The following JPH3 variants were observed in gnomAD, a reference collection of about 807,000 sequenced individuals.
JPH3 encodes the protein junctophilin 3, also known as junctophilin-3.
JPH3 carries 11 observed loss-of-function variants against 59.6 expected under a neutral mutation model. That is an observed-to-expected ratio of 0.18 (90% CI 0.12 to 0.31). The LOEUF (loss-of-function observed/expected upper bound fraction) is 0.31, where lower values mean the gene tolerates loss of function less well. JPH3 is among the 10% of genes least tolerant of loss of function. The pLI is 1.00. For missense variants in JPH3, 1,202 were observed against 1,105.7 expected (o/e 1.09, Z -1.24); for synonymous variants, 673 against 483.6 (o/e 1.39, Z -5.14).
intron 2 of JPH3, among the ~76,000 whole-genome samples, chr16:87,680,758 G>A (rs1454270930): frequency 1.3e-5 from 2 of 152,246 alleles, no homozygotes; most frequent in African/African-American, 4.8e-5. Flanking sequence ...AACCGCTGCA[G>A]TGCGTTTGGG....
chr16:87,662,317 C>G (rs537093642), intron 2 of JPH3, among the ~76,000 whole-genome samples: 1 of 152,172 alleles, frequency 6.6e-6, no homozygotes, highest in Non-Finnish European at 1.5e-5. Flanking sequence ...GGTCAGTGGG[C>G]GCCGAATGAA....
At chr16:87,683,611 T>C (rs1423616129) in intron 2 of JPH3, among the ~76,000 whole-genome samples, 6 of 138,146 alleles carry the variant, frequency 4.3e-5, no homozygotes, top group Admixed American at 7.1e-5. Context: ...GCCCCTCCCC[T>C]TTTTTTTTTC....
intron 2 of JPH3, among the ~76,000 whole-genome samples, chr16:87,662,806 T>C (rs1247975837): frequency 2.0e-5 from 3 of 152,250 alleles, no homozygotes; most frequent in Non-Finnish European, 4.4e-5. Context: ...TCTGTCTCCC[T>C]GTGAAATCCA....
rs2032856519 is a variant in JPH3 at position 87,666,219 on chromosome 16, T to C, written c.1161-17923T>C. On this transcript the variant is annotated intron_variant, in intron 2 of 4. Transcript: ENST00000284262. ...TTCTCCTGCCTCAGGCTCCCAAGTATCTGGGATTACAGGCACCTGCCACCA... is the reference window on the plus strand; with the variant it reads ...TTCTCCTGCCTCAGGCTCCCAAGTACCTGGGATTACAGGCACCTGCCACCA... 4.6e-5 allele frequency among the ~76,000 whole-genome samples: 7 copies of C among 151,498 alleles called. No individual in the cohort carries two copies. In the South Asian group the frequency reaches 1.2e-3, roughly 27 times the overall value.
chr16:87,659,115 T>A (rs1209051315), intron 2 of JPH3, among the ~76,000 whole-genome samples: 2 of 152,264 alleles, frequency 1.3e-5, no homozygotes, highest in Admixed American at 1.3e-4. Flanking sequence ...GGCTCATGCT[T>A]GTAATCTCAG....
At chr16:87,627,342 C>T (rs1358098711) in intron 1 of JPH3, among the ~76,000 whole-genome samples, 1 of 152,186 alleles carries the variant, frequency 6.6e-6, no homozygotes, top group East Asian at 1.9e-4. Flanking sequence ...TTGAGGGGGT[C>T]TTGGCGCTAT....
At chr16:87,619,703 C>G (rs1401471433) in intron 1 of JPH3, among the ~76,000 whole-genome samples, 1 of 152,182 alleles carries the variant, frequency 6.6e-6, no homozygotes, top group Non-Finnish European at 1.5e-5. Flanking sequence ...TTGGGCCACA[C>G]AAGTATCTAC....
Position 87,689,754 on chromosome 16 carries a change from C to T in JPH3, c.1394C>T (p.Thr465Ile). 6.2e-7 allele frequency: 1 copy of T among 1,612,226 alleles called. No individual in the cohort carries two copies. Among genetic ancestry groups the T allele is most frequent in the Non-Finnish European group, 8.5e-7 (1 of 1,179,712 alleles). The change falls in exon 4 of 5, where the codon ACC (threonine) becomes ATC (isoleucine). Residue 465 changes from threonine (T) to isoleucine (I), a missense_variant. Physicochemically the swap from Thr to Ile is moderately conservative, Grantham distance 89. Transcript: ENST00000284262. Reference sequence around the variant, plus strand: ...AGCCCCGAGCTGTACCGCAAGGGCACCACTCCCTCCGACCTGACCCCCGAC... The same window carrying T: ...AGCCCCGAGCTGTACCGCAAGGGCATCACTCCCTCCGACCTGACCCCCGAC... ...QESPELYRKG[T>I]TPSDLTPDDS...
At position 87,644,924 on chromosome 16, in the gene JPH3, A is replaced by G. The variant is rs1332818006; in HGVS notation, c.1049A>G (p.Asn350Ser). The G allele has an allele frequency of 2.5e-6, 4 of 1,612,292 alleles. No homozygotes were observed. Among genetic ancestry groups the G allele is most frequent in the African/African-American group, 2.7e-5 (2 of 74,822 alleles). ...QNILVGGKRK[N>S]LIPLRASKIR... ...ATCCTCGTCGGCGGCAAGCGCAAGA[A>G]CCTCATCCCCCTGCGGGCCAGCAAG... Residue 350 changes from asparagine (N) to serine (S), a missense_variant, in exon 2 of 5, where the codon AAC becomes AGC. Asn to Ser is a conservative substitution (Grantham distance 46). Coordinates refer to ENST00000284262, the MANE Select transcript of JPH3 (RefSeq NM_020655.4).
intron 1 of JPH3, among the ~76,000 whole-genome samples, chr16:87,622,433 A>G (rs1451428246): frequency 6.6e-6 from 1 of 152,158 alleles, no homozygotes; most frequent in Admixed American, 6.5e-5. Context: ...CTGTGTTCCC[A>G]TTTCTCAGTG....
At chr16:87,603,936 A>C (rs2030374998) in intron 1 of JPH3, among the ~76,000 whole-genome samples, 1 of 152,228 alleles carries the variant, frequency 6.6e-6, no homozygotes, top group Non-Finnish European at 1.5e-5. Context: ...CCGCCCTTCG[A>C]TCAGGCCCCA....
chr16:87,646,054 G>A (rs1042639484), intron 2 of JPH3, among the ~76,000 whole-genome samples: 102 of 152,324 alleles, frequency 6.7e-4, no homozygotes, highest in Admixed American at 2.6e-4. Context: ...AGCTGCGGGG[G>A]AGTCCATGGG....
At chr16:87,604,315 CTGCTGCTGCTGCTGT>C (rs1427050522) in intron 1 of JPH3, 2 of 1,466,912 alleles carry the variant, frequency 1.4e-6, no homozygotes, top group East Asian at 3.2e-5. Context: ...GCTGCTGCTG[CTGCTGCTGCTGCTGT>C]AAGATGGTTT....
chr16:87,604,174 C>T (rs1028991282), intron 1 of JPH3: 13 of 1,387,714 alleles, frequency 9.4e-6, no homozygotes, highest in Admixed American at 2.2e-5. Context: ...CCAGGAATCT[C>T]GTCTTTCAGT....
At chr16:87,664,147 C>A (rs1031745904) in intron 2 of JPH3, among the ~76,000 whole-genome samples, 2 of 151,214 alleles carry the variant, frequency 1.3e-5, no homozygotes, top group African/African-American at 2.4e-5. Context: ...CTGGCTAACA[C>A]GGTGAAACCT....
In JPH3 at chr16:87,680,762, G is replaced by T. The variant is rs1050568653; in HGVS notation, c.1161-3380G>T. 5.3e-5 allele frequency among the ~76,000 whole-genome samples: 8 copies of T among 152,334 alleles called. No individual in the cohort carries two copies. The South Asian group carries it at 6.2e-4, about 12-fold the overall frequency. On this transcript the variant is annotated intron_variant, in intron 2 of 4. Transcript: ENST00000284262. ...CATTTATGACAAACCGCTGCAGTGC[G>T]TTTGGGAGTCTCCTCCTCCATGACG...
chr16:87,654,756 C>G (rs1057162185), intron 2 of JPH3: 1 of 152,280 alleles, frequency 6.6e-6, no homozygotes, highest in African/African-American at 2.4e-5. Flanking sequence ...GCGCAGTAAG[C>G]TGCAGGGGCT....
chr16:87,638,490 C>T (rs949883698), intron 1 of JPH3, among the ~76,000 whole-genome samples: 3 of 152,042 alleles, frequency 2.0e-5, no homozygotes, highest in African/African-American at 7.2e-5. Context: ...GTACAGAGCA[C>T]TTGAAGGGGC....
intron 1 of JPH3, among the ~76,000 whole-genome samples, chr16:87,607,877 C>G (rs536991212): frequency 6.6e-6 from 1 of 152,214 alleles, no homozygotes; most frequent in Non-Finnish European, 1.5e-5. Flanking sequence ...GCGTTTTCTC[C>G]GAGATTCTCT....
Sources: allele counts gnomAD v4.1 joint callset (sites outside exome capture counted in the v4.1 genomes callset), GRCh38; gene constraint gnomAD v4.1.1; transcripts MANE v1.5; gene names NCBI Gene and HGNC (gene_info 2026-07-23, HGNC 2026-07-21).